SETBP1: variants seen among roughly 807,000 people sequenced by gnomAD.
SETBP1 encodes the protein SET-binding protein.
In SETBP1, 9 loss-of-function variants were observed where a neutral mutation model predicts 101.0. The ratio of observed to expected loss-of-function variants is 0.09; its 90% CI spans 0.05 to 0.16. The LOEUF is 0.16. SETBP1 is among the 10% of genes least tolerant of loss of function. SETBP1 has a pLI of 1.00. For missense variants in SETBP1, 1,858 were observed against 2,033.8 expected, an observed-to-expected ratio of 0.91 and a Z score of 1.66; for synonymous variants, 818 against 788.5, an observed-to-expected ratio of 1.04 and a Z score of -0.63.
intron 2 of SETBP1, among the ~76,000 whole-genome samples, chr18:44,868,255 T>C (rs966323522): frequency 1.3e-5 from 2 of 152,150 alleles, no homozygotes; most frequent in Admixed American, 6.6e-5. Flanking sequence ...GAAGTATAAA[T>C]GATAAAATCC....
At chr18:44,694,820 G>T (rs1303536145) in intron 1 of SETBP1, among the ~76,000 whole-genome samples, 3 of 152,118 alleles carry the variant, frequency 2.0e-5, no homozygotes, top group African/African-American at 4.8e-5. Context: ...CAAGGTAAAA[G>T]GAACAATATC....
chr18:44,977,723 A>C (rs924258612), intron 4 of SETBP1, among the ~76,000 whole-genome samples: 4 of 152,228 alleles, frequency 2.6e-5, no homozygotes, highest in African/African-American at 9.6e-5. Flanking sequence ...CTCAATTCAC[A>C]GAGGCCAATG....
At chr18:45,053,999 T>A (rs2073765860) in intron 5 of SETBP1, among the ~76,000 whole-genome samples, 1 of 152,208 alleles carries the variant, frequency 6.6e-6, no homozygotes. Context: ...AGCTTCAAAC[T>A]TTTTGGCGTT....
Position 44,950,984 on chromosome 18 carries a change from G to A in SETBP1, c.1644G>A (p.Met548Ile). 1 of 1,614,022 alleles carries A rather than the reference G, an allele frequency of 6.2e-7. No individual in the cohort carries two copies. The highest frequency in any genetic ancestry group is 8.5e-7 in the Non-Finnish European group (1 of 1,180,030). The change falls in exon 4 of 6, where the codon ATG becomes ATA. Residue 548 changes from methionine to isoleucine, a missense_variant. Physicochemically the swap from Met to Ile is conservative, Grantham distance 10. Transcript: ENST00000649279. The stretch of plus-strand genomic sequence containing the variant: ...GCACCATGCTTCGAGAGGCAGTTAT[G>A]GCCACCTCTGATAAACTGATGCTGG... ...KPSTMLREAVMATSDKLMLEP... is the reference protein window; with the variant it reads ...KPSTMLREAVIATSDKLMLEP...
At chr18:44,893,806 T>G (rs2069827990) in intron 3 of SETBP1, among the ~76,000 whole-genome samples, 1 of 152,034 alleles carries the variant, frequency 6.6e-6, no homozygotes, top group Admixed American at 6.6e-5. Context: ...TTAACATGTG[T>G]AAAATGCACA....
At position 44,953,201 on chromosome 18, in the gene SETBP1, G is replaced by A. The variant is rs749024227; in HGVS notation, c.3861G>A (p.Ser1287=). Residue 1287 remains serine, a synonymous_variant, in exon 4 of 6, where the codon TCG becomes TCA. Coordinates refer to ENST00000649279, the MANE Select transcript of SETBP1 (RefSeq NM_015559.3). ...NLDVFSEMNP[S]NDKWDSDVSG... ...ACGTGTTCAGTGAAATGAACCCTTCGAATGACAAGTGGGACAGTGACGTGA... is the reference window on the plus strand; with the variant it reads ...ACGTGTTCAGTGAAATGAACCCTTCAAATGACAAGTGGGACAGTGACGTGA... The A allele has an allele frequency of 7.4e-6, 12 of 1,614,012 alleles. No homozygotes were observed. The highest frequency in any genetic ancestry group is 1.3e-5 in the African/African-American group (1 of 74,906).
chr18:44,930,250 A>G (rs1289563199), intron 3 of SETBP1, among the ~76,000 whole-genome samples: 1 of 152,126 alleles, frequency 6.6e-6, no homozygotes. Flanking sequence ...ATGGATTTGC[A>G]TATGTTGAAC....
intron 2 of SETBP1, among the ~76,000 whole-genome samples, chr18:44,782,275 A>G (rs1219508525): frequency 6.6e-6 from 1 of 152,104 alleles, no homozygotes; most frequent in Non-Finnish European, 1.5e-5. Flanking sequence ...ACACCCTGAT[A>G]AGGATTTCCT....
chr18:44,979,739 G>A (rs1002925826), intron 4 of SETBP1, among the ~76,000 whole-genome samples: 20 of 152,156 alleles, frequency 1.3e-4, no homozygotes, highest in Admixed American at 2.6e-4. Flanking sequence ...TCAGAGAAAC[G>A]AAATATGGTC....
chr18:44,903,362 A>T (rs973196513), intron 3 of SETBP1, among the ~76,000 whole-genome samples: 6 of 152,210 alleles, frequency 3.9e-5, no homozygotes, highest in Admixed American at 6.5e-5. Flanking sequence ...AATGTCAGGG[A>T]AAAGGTAGAG....
At chr18:44,849,846 C>T (rs183503312) in intron 2 of SETBP1, among the ~76,000 whole-genome samples, 1 of 152,170 alleles carries the variant, frequency 6.6e-6, no homozygotes, top group Non-Finnish European at 1.5e-5. Flanking sequence ...TTATATGATG[C>T]ACCTGGCACA....
chr18:44,914,030 A>G (rs753459325), intron 3 of SETBP1, among the ~76,000 whole-genome samples: 2 of 152,196 alleles, frequency 1.3e-5, no homozygotes, highest in Non-Finnish European at 2.9e-5. Context: ...GTCAGTGTCC[A>G]CGGCTTTTGT....
chr18:45,015,495 A>G lies in SETBP1; in HGVS notation c.4001-22990A>G, dbSNP rs1375684823. Among the ~76,000 whole-genome samples, 5 of 152,152 alleles carry G rather than the reference A, an allele frequency of 3.3e-5. No homozygotes were observed. In the East Asian group the frequency reaches 9.7e-4, roughly 29 times the overall value. On this transcript the variant is annotated intron_variant, in intron 4 of 5. Coordinates refer to ENST00000649279, the MANE Select transcript of SETBP1 (RefSeq NM_015559.3). ...ACCTTTCGCAGGGCCTTAAAATACA[A>G]CAGACATGCACCTGCCTTTCTCGGG...
rs139023825 is a variant in SETBP1, at chr18:44,768,704, C to T, written c.486+66872C>T. Among the ~76,000 whole-genome samples, 971 of 152,240 alleles carry T rather than the reference C, an allele frequency of 6.4e-3. 3 individuals are homozygous for T. Among genetic ancestry groups the T allele is most frequent in the Non-Finnish European group, 1.0e-2 (679 of 68,008 alleles). On this transcript the variant is annotated intron_variant, in intron 2 of 5. Coordinates refer to ENST00000649279, the MANE Select transcript of SETBP1 (RefSeq NM_015559.3). Reference sequence around the variant, plus strand: ...TAACCATATCAGACAATGAATTACACAAGAAACCTACAATTCCTGAATTGT... The same window carrying T: ...TAACCATATCAGACAATGAATTACATAAGAAACCTACAATTCCTGAATTGT...
rs1280022905 is a variant in SETBP1, at chr18:44,896,417, C to T, written c.540+27134C>T. Among the ~76,000 whole-genome samples the T allele has an allele frequency of 2.0e-5, 3 of 152,154 alleles. No individual in the cohort carries two copies. The East Asian group carries it at 5.8e-4, about 29-fold the overall frequency. On this transcript the variant is annotated intron_variant, in intron 3 of 5. Transcript: ENST00000649279. ...TCTTCCTGGAATTATGCATATTGTACAAGTCTAATTATTCTTCTGTGCCTT... is the reference window on the plus strand; with the variant it reads ...TCTTCCTGGAATTATGCATATTGTATAAGTCTAATTATTCTTCTGTGCCTT...
At chr18:44,816,934 G>A (rs1028374960) in intron 2 of SETBP1, among the ~76,000 whole-genome samples, 3 of 152,138 alleles carry the variant, frequency 2.0e-5, no homozygotes, top group Non-Finnish European at 2.9e-5. Context: ...TCCAGCCAGC[G>A]ATTTAGGGAA....
intron 3 of SETBP1, among the ~76,000 whole-genome samples, chr18:44,897,780 TG>T (rs1014286524): frequency 3.4e-4 from 52 of 152,240 alleles, no homozygotes; most frequent in African/African-American, 1.2e-3. Flanking sequence ...CTAGTGCTAA[TG>T]GGGGAAGACA....
intron 2 of SETBP1, among the ~76,000 whole-genome samples, chr18:44,780,889 C>T (rs145803773): frequency 1.3e-5 from 2 of 152,274 alleles, no homozygotes; most frequent in Non-Finnish European, 2.9e-5. Context: ...AGAATGATGA[C>T]GAGTCAGCTA....
At chr18:44,754,493 A>AT (rs1049236640) in intron 2 of SETBP1, among the ~76,000 whole-genome samples, 33 of 152,154 alleles carry the variant, frequency 2.2e-4, no homozygotes, top group South Asian at 4.1e-4. Context: ...GTGGATTTGA[A>AT]TTTTTTTTAA....
Sources: allele counts gnomAD v4.1 joint callset (sites outside exome capture counted in the v4.1 genomes callset), GRCh38; gene constraint gnomAD v4.1.1; transcripts MANE v1.5; gene names NCBI Gene and HGNC (gene_info 2026-07-23, HGNC 2026-07-21).